The following WARS2 variants were observed in gnomAD, a reference collection of about 807,000 sequenced individuals.
WARS2 encodes the protein tryptophanyl tRNA synthetase 2, mitochondrial.
In WARS2, 28 loss-of-function variants were observed where a neutral mutation model predicts 36.5. The ratio of observed to expected loss-of-function variants is 0.77; its 90% CI spans 0.57 to 1.05. WARS2 has a LOEUF of 1.05. Among genes scored for constraint, WARS2 ranks in the 50% least tolerant of loss-of-function variants. The pLI, the probability that WARS2 is intolerant of heterozygous loss-of-function variation, is 0.00. For synonymous variants in WARS2, 174 were observed against 178.4 expected, an observed-to-expected ratio of 0.98 and a Z score of 0.20; for missense variants, 435 against 456.8, an observed-to-expected ratio of 0.95 and a Z score of 0.44.
chr1:119,033,841 A>C (rs888245034), intron 5 of WARS2, among the ~76,000 whole-genome samples: 1 of 152,202 alleles, frequency 6.6e-6, no homozygotes, highest in Non-Finnish European at 1.5e-5. Flanking sequence ...TATTATTTTA[A>C]ATTTTTGGTC....
chr1:119,052,269 G>A (rs940682612), intron 2 of WARS2, among the ~76,000 whole-genome samples: 2 of 152,112 alleles, frequency 1.3e-5, no homozygotes, highest in Admixed American at 6.5e-5. Context: ...TTTTTCGCAT[G>A]TAAATGTTAT....
At chr1:119,036,100 A>T (rs1367329542) in intron 4 of WARS2, among the ~76,000 whole-genome samples, 4 of 152,172 alleles carry the variant, frequency 2.6e-5, no homozygotes, top group Non-Finnish European at 2.9e-5. Context: ...GGTACTCCGG[A>T]GGCTGAGGCA....
At chr1:119,085,141 G>A in intron 1 of WARS2, 1 of 787,244 alleles carries the variant, frequency 1.3e-6, no homozygotes, top group Non-Finnish European at 2.3e-6. Flanking sequence ...GGGCTAGAAA[G>A]TGTGCCTGAG....
intron 1 of WARS2, among the ~76,000 whole-genome samples, chr1:119,121,897 A>C (rs1486387674): frequency 6.6e-6 from 1 of 152,194 alleles, no homozygotes; most frequent in Non-Finnish European, 1.5e-5. Flanking sequence ...TCAACTCAAG[A>C]TTGATCAAAG....
chr1:119,033,103 C>T lies in WARS2; in HGVS notation c.891G>A (p.Met297Ile). ...CGGCCAGCTTGTAGCGAGCAGTGTT[C>T]ATGCCCGCGCTGCGGCGCACCACTT... ...VEEVVRRSAG[M>I]NTARYKLAVA... Residue 297 changes from methionine (M) to isoleucine (I), a missense_variant, in exon 6 of 6, where the codon ATG becomes ATA. By Grantham distance (10) the Met-to-Ile change is conservative. Transcript: ENST00000235521. The T allele has an allele frequency of 1.2e-6, 2 of 1,614,240 alleles. No homozygotes were observed. Among genetic ancestry groups the T allele is most frequent in the Non-Finnish European group, 1.7e-6 (2 of 1,180,054 alleles).
At position 119,033,218 on chromosome 1, in the gene WARS2, G is replaced by A. The variant is rs1557929109; in HGVS notation, c.776C>T (p.Thr259Ile). ...AGCCGGGTCATAGGTGACCTCCGAGGTGAAGTCTGTCACAGCCTTGCGGAA... is the reference window on the plus strand; with the variant it reads ...AGCCGGGTCATAGGTGACCTCCGAGATGAAGTCTGTCACAGCCTTGCGGAA... ...QKFRKAVTDF[T>I]SEVTYDPAGR... The change falls in exon 6 of 6, where the codon ACC (threonine) becomes ATC (isoleucine). Residue 259 changes from threonine to isoleucine, a missense_variant. Transcript: ENST00000235521. The A allele has an allele frequency of 4.3e-6, 7 of 1,614,142 alleles. No homozygotes were observed. Among genetic ancestry groups the A allele is most frequent in the Non-Finnish European group, 5.1e-6 (6 of 1,180,050 alleles).
chr1:119,057,766 G>A (rs936935575), intron 2 of WARS2, among the ~76,000 whole-genome samples: 3 of 151,568 alleles, frequency 2.0e-5, no homozygotes, highest in African/African-American at 7.3e-5. Context: ...CTCCAGCCTG[G>A]ATGCAGAGCA....
At chr1:119,075,781 T>A (rs1475090419) in intron 2 of WARS2, among the ~76,000 whole-genome samples, 1 of 152,218 alleles carries the variant, frequency 6.6e-6, no homozygotes, top group Non-Finnish European at 1.5e-5. Flanking sequence ...AGTGAAGATA[T>A]GAGTCAAATA....
At chr1:119,062,347 C>T (rs1385661310) in intron 2 of WARS2, among the ~76,000 whole-genome samples, 1 of 152,044 alleles carries the variant, frequency 6.6e-6, no homozygotes, top group Non-Finnish European at 1.5e-5. Flanking sequence ...TGAATATTTA[C>T]TTGAACCTAC....
At chr1:119,091,254 T>G (rs1374700124) in intron 1 of WARS2, among the ~76,000 whole-genome samples, 1 of 152,220 alleles carries the variant, frequency 6.6e-6, no homozygotes, top group Non-Finnish European at 1.5e-5. Flanking sequence ...TAGCTAACAT[T>G]TATTGAGTGC....
intron 1 of WARS2, among the ~76,000 whole-genome samples, chr1:119,105,641 T>C (rs751415714): frequency 1.3e-5 from 2 of 152,234 alleles, no homozygotes; most frequent in African/African-American, 2.4e-5. Context: ...CCGGGCATAA[T>C]TGGCTCACAC....
intron 1 of WARS2, among the ~76,000 whole-genome samples, chr1:119,135,970 C>T (rs757956135): frequency 6.6e-6 from 1 of 152,166 alleles, no homozygotes; most frequent in Non-Finnish European, 1.5e-5. Flanking sequence ...CAAGGTCTCA[C>T]TATGTTGCCC....
intron 1 of WARS2, among the ~76,000 whole-genome samples, chr1:119,098,076 C>G (rs1653576450): frequency 6.6e-6 from 1 of 151,978 alleles, no homozygotes; most frequent in African/African-American, 2.4e-5. Context: ...TGGTGAAACC[C>G]CGTCTCTACT....
At chr1:119,039,152 C>T (rs529353953) in intron 4 of WARS2, among the ~76,000 whole-genome samples, 1 of 152,144 alleles carries the variant, frequency 6.6e-6, no homozygotes, top group Non-Finnish European at 1.5e-5. Flanking sequence ...TATTTCATAG[C>T]CCTATTGTGA....
Position 119,062,624 on chromosome 1 carries a change from C to T in WARS2, c.348+13726G>A, listed in dbSNP as rs182086138. 2.4e-3 allele frequency among the ~76,000 whole-genome samples: 360 copies of T among 152,254 alleles called. 3 individuals are homozygous for T. The highest frequency in any genetic ancestry group is 8.4e-3 in the African/African-American group (351 of 41,540). On this transcript the variant is annotated intron_variant, in intron 2 of 5. Coordinates refer to ENST00000235521, the MANE Select transcript of WARS2 (RefSeq NM_015836.4). ...GAATTTCCACGTGTTGTGGGAGGGACCCAAAGGGAGGTAATTGAGTCATGG... is the reference window on the plus strand; with the variant it reads ...GAATTTCCACGTGTTGTGGGAGGGATCCAAAGGGAGGTAATTGAGTCATGG...
chr1:119,081,078 G>T (rs1652158514), intron 1 of WARS2, among the ~76,000 whole-genome samples: 1 of 152,202 alleles, frequency 6.6e-6, no homozygotes, highest in African/African-American at 2.4e-5. Context: ...TCCCTGGGGA[G>T]CTTCAGCTCT....
chr1:119,115,978 C>T (rs777083141), intron 1 of WARS2, among the ~76,000 whole-genome samples: 30 of 152,286 alleles, frequency 2.0e-4, no homozygotes, highest in Middle Eastern at 3.4e-3. Context: ...CACACCCTCA[C>T]TAAAGGCTGA....
intron 1 of WARS2, among the ~76,000 whole-genome samples, chr1:119,129,819 G>T (rs2101565466): frequency 6.6e-6 from 1 of 152,228 alleles, no homozygotes; most frequent in South Asian, 2.1e-4. Flanking sequence ...ATGACAATTT[G>T]GTAAGCAAGC....
At chr1:119,118,294 G>T (rs77404016) in intron 1 of WARS2, among the ~76,000 whole-genome samples, 2,763 of 152,010 alleles carry the variant, frequency 0.018, 41 homozygotes, top group Middle Eastern at 0.065. Context: ...ACACTGAAAA[G>T]TATTAATAAT....
Sources: gnomAD v4.1 joint callset for allele counts (sites outside exome capture counted in the v4.1 genomes callset) on GRCh38, gnomAD v4.1.1 for gene constraint, MANE v1.5 for transcripts, NCBI Gene and HGNC (gene_info 2026-07-23, HGNC 2026-07-21) for gene names.